SGCZ: variants seen among roughly 807,000 people sequenced by gnomAD.
The protein encoded by SGCZ is sarcoglycan zeta, also known as zeta-sarcoglycan.
Under a neutral mutation model 41.3 loss-of-function variants are expected in SGCZ, and 40 were observed. The ratio of observed to expected loss-of-function variants is 0.97; its 90% CI spans 0.75 to 1.26. The LOEUF (loss-of-function observed/expected upper bound fraction) is 1.26, where lower values mean the gene tolerates loss of function less well. SGCZ is among the 50% of genes most tolerant of loss of function. The pLI is 0.00. For missense variants in SGCZ, 552 were observed against 369.8 expected (o/e 1.49, Z -4.04); for synonymous variants, 206 against 137.5 (o/e 1.50, Z -3.49).
rs1033847506 is a variant in SGCZ at position 14,519,684 on chromosome 8, G to A, written c.234+35048C>T. ...ATTTATGTCTTGAAAACTCAGTCTC[G>A]GCTGTTCATTTATCTGCAATAATCT... On this transcript the variant is annotated intron_variant, in intron 2 of 7. Coordinates refer to ENST00000382080, the MANE Select transcript of SGCZ (RefSeq NM_139167.4). 7.9e-5 allele frequency among the ~76,000 whole-genome samples: 12 copies of A among 151,960 alleles called. 2 individuals carry two copies. The South Asian group carries it at 1.7e-3, about 21-fold the overall frequency.
At chr8:14,425,846 G>C (rs1408739733) in intron 2 of SGCZ, among the ~76,000 whole-genome samples, 1 of 151,792 alleles carries the variant, frequency 6.6e-6, no homozygotes, top group Admixed American at 6.6e-5. Flanking sequence ...TAAGGACCAA[G>C]TAATAACAAA....
intron 3 of SGCZ, among the ~76,000 whole-genome samples, chr8:14,322,015 C>T (rs1053792132): frequency 1.3e-5 from 2 of 152,042 alleles, no homozygotes; most frequent in African/African-American, 4.8e-5. Flanking sequence ...ACAAGTGAAT[C>T]ATAATGTGAG....
intron 1 of SGCZ, among the ~76,000 whole-genome samples, chr8:14,636,509 A>G (rs1416296899): frequency 6.6e-6 from 1 of 151,864 alleles, no homozygotes; most frequent in Non-Finnish European, 1.5e-5. Flanking sequence ...GTAAATGAAG[A>G]GGCAATAGAA....
At chr8:14,558,157 G>C (rs998142749) in intron 1 of SGCZ, among the ~76,000 whole-genome samples, 1 of 152,110 alleles carries the variant, frequency 6.6e-6, no homozygotes, top group African/African-American at 2.4e-5. Context: ...CAAGCAGTGA[G>C]ATTGAAACTG....
At chr8:14,604,268 A>T (rs773764594) in intron 1 of SGCZ, among the ~76,000 whole-genome samples, 1 of 152,052 alleles carries the variant, frequency 6.6e-6, no homozygotes, top group African/African-American at 2.4e-5. Context: ...TTCACCACCA[A>T]CTTCAATTGA....
chr8:14,751,667 G>T (rs1434565113), intron 1 of SGCZ, among the ~76,000 whole-genome samples: 1 of 152,070 alleles, frequency 6.6e-6, no homozygotes, highest in Non-Finnish European at 1.5e-5. Flanking sequence ...GAGAGGATTT[G>T]CCTCCCGAGT....
chr8:14,699,644 C>T (rs1237887119), intron 1 of SGCZ, among the ~76,000 whole-genome samples: 1 of 151,884 alleles, frequency 6.6e-6, no homozygotes, highest in Non-Finnish European at 1.5e-5. Context: ...AGAGCTTCTG[C>T]ACAGCAAAAG....
chr8:14,488,100 T>A (rs796931734), intron 2 of SGCZ, among the ~76,000 whole-genome samples: 1 of 126,998 alleles, frequency 7.9e-6, no homozygotes, highest in African/African-American at 2.9e-5. Flanking sequence ...TCCAGAAAAG[T>A]AAATTCCCTG....
At chr8:14,706,883 G>A (rs138004183) in intron 1 of SGCZ, among the ~76,000 whole-genome samples, 2,584 of 151,452 alleles carry the variant, frequency 0.017, 35 homozygotes, top group Middle Eastern at 0.028. Context: ...GTATATAAAC[G>A]GTTTTATTAT....
chr8:14,825,023 T>G (rs1563295695), intron 1 of SGCZ, among the ~76,000 whole-genome samples: 1 of 152,136 alleles, frequency 6.6e-6, no homozygotes, highest in Admixed American at 6.5e-5. Flanking sequence ...AAATACTGTT[T>G]CCCACACTAT....
At chr8:14,405,461 A>C (rs933302458) in intron 2 of SGCZ, among the ~76,000 whole-genome samples, 4 of 152,172 alleles carry the variant, frequency 2.6e-5, no homozygotes, top group Non-Finnish European at 5.9e-5. Context: ...TTATACCTCA[A>C]TGTGCACATC....
Position 15,196,501 on chromosome 8 carries a change from T to C in SGCZ, c.39+41084A>G, listed in dbSNP as rs180949649. On this transcript the variant is annotated intron_variant, in intron 1 of 7. Transcript: ENST00000382080. ...TATGATAACATAGCATCATTTATTATACTCCATTAGGTTAAAACTAAGATT... is the reference window on the plus strand; with the variant it reads ...TATGATAACATAGCATCATTTATTACACTCCATTAGGTTAAAACTAAGATT... 3.2e-4 allele frequency among the ~76,000 whole-genome samples: 48 copies of C among 152,318 alleles called. 1 individual carries two copies. Among genetic ancestry groups the C allele is most frequent in the Admixed American group, 4.6e-4 (7 of 15,300 alleles).
chr8:14,517,706 G>C (rs1340559152), intron 2 of SGCZ, among the ~76,000 whole-genome samples: 3 of 151,768 alleles, frequency 2.0e-5, no homozygotes, highest in African/African-American at 7.2e-5. Context: ...CATTTTTAGG[G>C]GATATTGCTT....
At chr8:14,145,147 G>C (rs1206908458) in intron 5 of SGCZ, among the ~76,000 whole-genome samples, 1 of 152,148 alleles carries the variant, frequency 6.6e-6, no homozygotes, top group African/African-American at 2.4e-5. Flanking sequence ...TGCTGTGCTG[G>C]CTTCAGTTCT....
At chr8:15,077,661 T>A (rs1195252230) in intron 1 of SGCZ, among the ~76,000 whole-genome samples, 1 of 152,176 alleles carries the variant, frequency 6.6e-6, no homozygotes, top group African/African-American at 2.4e-5. Context: ...ATTTCAGAGA[T>A]AAAACATGAA....
At chr8:14,112,403 C>G (rs548459664) in intron 5 of SGCZ, among the ~76,000 whole-genome samples, 2 of 152,060 alleles carry the variant, frequency 1.3e-5, no homozygotes, top group East Asian at 3.9e-4. Flanking sequence ...AAACAGCTAG[C>G]CTCCCAGCCC....
chr8:14,562,152 G>A (rs947514407), intron 1 of SGCZ, among the ~76,000 whole-genome samples: 1 of 152,074 alleles, frequency 6.6e-6, no homozygotes, highest in Non-Finnish European at 1.5e-5. Flanking sequence ...CACGTAAGGG[G>A]AAAATAGTTC....
At chr8:15,110,977 A>G (rs1807027580) in intron 1 of SGCZ, among the ~76,000 whole-genome samples, 1 of 152,160 alleles carries the variant, frequency 6.6e-6, no homozygotes. Flanking sequence ...CTCAAAAAGA[A>G]AAAAGAAAAA....
chr8:14,817,891 C>A (rs1226084264), intron 1 of SGCZ, among the ~76,000 whole-genome samples: 1 of 152,310 alleles, frequency 6.6e-6, no homozygotes, highest in South Asian at 2.1e-4. Context: ...ATCCACTGTG[C>A]CTGCAAACAC....
Sources: allele counts gnomAD v4.1 joint callset (sites outside exome capture counted in the v4.1 genomes callset), GRCh38; gene constraint gnomAD v4.1.1; transcripts MANE v1.5; gene names NCBI Gene and HGNC (gene_info 2026-07-23, HGNC 2026-07-21).